RARS1: variants seen among roughly 807,000 people sequenced by gnomAD.
RARS1 encodes the protein arginine--tRNA ligase, cytoplasmic.
In RARS1, 75 loss-of-function variants were observed where a neutral mutation model predicts 78.7. The ratio of observed to expected loss-of-function variants is 0.95; its 90% CI spans 0.79 to 1.15. RARS1 has a LOEUF of 1.15. Ranked by LOEUF, RARS1 falls within the 50% of genes most tolerant of loss-of-function variation. The pLI is 0.00. For synonymous variants in RARS1, 273 were observed against 268.2 expected (o/e 1.02, Z -0.18); for missense variants, 787 against 787.5 (o/e 1.00, Z 0.01).
chr5:168,492,679 CA>C lies in RARS1; in HGVS notation c.204del (p.Lys68AsnfsTer6), dbSNP rs775613562. The C allele has an allele frequency of 1.4e-5, 23 of 1,606,312 alleles. No homozygotes were observed. The highest frequency in any genetic ancestry group is 2.0e-5 in the Non-Finnish European group (23 of 1,173,358). ...LRKSLQAERN[K>X]PTKNMINIIS... The stretch of plus-strand genomic sequence containing the variant: ...TACAGAGTCTTCAGGCAGAAAGGAA[CA>C]AACCAACTAAAAATATGATTAACAT... On this transcript the variant is annotated frameshift_variant, in exon 3 of 15. Coordinates refer to ENST00000231572, the MANE Select transcript of RARS1 (RefSeq NM_002887.4). LOFTEE classifies it high-confidence loss of function.
At position 168,511,926 on chromosome 5, in the gene RARS1, C is replaced by G. The variant is rs530813753; in HGVS notation, c.1452+1240C>G. Among the ~76,000 whole-genome samples the G allele has an allele frequency of 2.6e-5, 4 of 152,240 alleles. No individual in the cohort carries two copies. In the South Asian group the frequency reaches 8.3e-4, roughly 32 times the overall value. ...TGTCGCTCAGGCTGGAGTGCAGTGG[C>G]AAGATCATGGCTCACCGCATCTCGA... On this transcript the variant is annotated intron_variant, in intron 12 of 14. Coordinates refer to ENST00000231572, the MANE Select transcript of RARS1 (RefSeq NM_002887.4).
At chr5:168,495,492 T>G in intron 6 of RARS1, 56 bp downstream of exon 6, 1 of 1,572,718 alleles carries the variant, frequency 6.4e-7, no homozygotes. Context: ...GTTTGGAAAA[T>G]TCTATAGAAC....
At position 168,492,789 on chromosome 5, in the gene RARS1, C is replaced by T. The variant is rs761341589; in HGVS notation, c.311C>T (p.Pro104Leu). ...DLENPPLLVTPSQQAKFGDYQ... is the reference protein window; with the variant it reads ...DLENPPLLVTLSQQAKFGDYQ... ...GAAAATCCTCCTCTGCTAGTGACAC[C>T]AAGTCAGCAGGCCAAGTTTGGGGAC... The change falls in exon 3 of 15, where the codon CCA becomes CTA. Residue 104 changes from proline (P) to leucine (L), a missense_variant. By Grantham distance (98) the Pro-to-Leu change is moderately conservative (BLOSUM62 -3). Coordinates refer to ENST00000231572, the MANE Select transcript of RARS1 (RefSeq NM_002887.4). 1.9e-6 allele frequency: 3 copies of T among 1,613,736 alleles called. No individual in the cohort carries two copies. The Admixed American group carries it at 5.0e-5, about 27-fold the overall frequency.
Position 168,506,038 on chromosome 5 carries a change from G to A in RARS1, c.1075G>A (p.Asp359Asn), listed in dbSNP as rs1381013035. The A allele has an allele frequency of 1.2e-6, 2 of 1,603,394 alleles. No individual in the cohort carries two copies. Among genetic ancestry groups the A allele is most frequent in the East Asian group, 4.5e-5 (2 of 44,312 alleles). The change falls in exon 10 of 15, where the codon GAT becomes AAT. Residue 359 changes from aspartate (D) to asparagine (N), a missense_variant. Coordinates refer to ENST00000231572, the MANE Select transcript of RARS1 (RefSeq NM_002887.4). ...FEDRGFVQVD[D>N]GRKIVFVPGC... ...CCCCCTAGGATTTGTGCAGGTGGAT[G>A]ATGGCAGAAAGATTGTATTTGTCCC...
At position 168,493,956 on chromosome 5, in the gene RARS1, C is replaced by A. The variant is rs1383312984; in HGVS notation, c.432C>A (p.His144Gln). The A allele has an allele frequency of 6.2e-7, 1 of 1,613,488 alleles. No individual in the cohort carries two copies. Among genetic ancestry groups the A allele is most frequent in the South Asian group, 1.1e-5 (1 of 91,046 alleles). ...AAATTGCTGAAAACATTACCAAACA[C>A]CTCCCAGACAATGAATGTATTGAAA... ...PREIAENITK[H>Q]LPDNECIEKV... The change falls in exon 4 of 15, where the codon CAC becomes CAA. Residue 144 changes from histidine to glutamine, a missense_variant. Physicochemically the swap from His to Gln is conservative, Grantham distance 24 (BLOSUM62 0). Transcript: ENST00000231572.
chr5:168,500,805 G>T, intron 8 of RARS1, 85 bp downstream of exon 8: 1 of 1,469,580 alleles, frequency 6.8e-7, no homozygotes, highest in Non-Finnish European at 9.1e-7. Context: ...GACTTTGAGT[G>T]ATATTTTAAC....
rs553013436 is a variant in RARS1 at position 168,506,330 on chromosome 5, G to A, written c.1236+131G>A. ...GACTAAGATTCAGGACATCAGTATAGCATAGAAGAAAGAAGAGGGTTTGGA... is the reference window on the plus strand; with the variant it reads ...GACTAAGATTCAGGACATCAGTATAACATAGAAGAAAGAAGAGGGTTTGGA... On this transcript the variant is annotated intron_variant, in intron 10 of 14. Transcript: ENST00000231572. The A allele has an allele frequency of 3.8e-5, 29 of 770,958 alleles. No homozygotes were observed. The African/African-American group carries it at 5.0e-4, about 13-fold the overall frequency. The allele number at this position is 770,958 out of a possible 1,614,324, so 47.8% of individuals were successfully genotyped here.
chr5:168,513,644 G>A (rs1156272733), intron 12 of RARS1, among the ~76,000 whole-genome samples: 1 of 151,172 alleles, frequency 6.6e-6, no homozygotes, highest in Non-Finnish European at 1.5e-5. Flanking sequence ...AGGCTTATTG[G>A]TCATCTAGAT....
chr5:168,488,904 G>A (rs1282072196), intron 2 of RARS1, among the ~76,000 whole-genome samples, 168 bp downstream of exon 2: 1 of 152,298 alleles, frequency 6.6e-6, no homozygotes. Flanking sequence ...GGTAGTTGGT[G>A]CAAATAGTGA....
intron 14 of RARS1, among the ~76,000 whole-genome samples, chr5:168,518,770 G>T (rs1039278472): frequency 1.3e-5 from 2 of 152,198 alleles, no homozygotes; most frequent in Admixed American, 6.5e-5. Context: ...CTGTGATAAT[G>T]AGGTTTATAG....
At chr5:168,514,753 C>T (rs1280738396) in intron 12 of RARS1, among the ~76,000 whole-genome samples, 1 of 152,182 alleles carries the variant, frequency 6.6e-6, no homozygotes, top group African/African-American at 2.4e-5. Flanking sequence ...TGACCTTTTT[C>T]TAGTCTAAGA....
intron 4 of RARS1, chr5:168,494,321 G>A (rs965039930): frequency 1.1e-5 from 11 of 985,336 alleles, no homozygotes; most frequent in Non-Finnish European, 2.4e-6. Context: ...ATTGTTTGCT[G>A]AAAGTGAAAG....
Position 168,491,946 on chromosome 5 carries a change from CTTTTTTTTTTTTT to C in RARS1, c.181-702_181-690del, listed in dbSNP as rs149780336. Reference sequence around the variant, plus strand: ...TATTAAAAGCATATGTGTCATTCACCTTTTTTTTTTTTTTTTTTTTTTTGCTAAACTGCTGTAT... The same window carrying C: ...TATTAAAAGCATATGTGTCATTCACCTTTTTTTTTTGCTAAACTGCTGTAT... On this transcript the variant is annotated intron_variant, in intron 2 of 14. Transcript: ENST00000231572. Among the ~76,000 whole-genome samples the C allele has an allele frequency of 3.9e-4, 40 of 102,608 alleles. 1 individual carries two copies. Among genetic ancestry groups the C allele is most frequent in the Middle Eastern group, 6.5e-3 (1 of 154 alleles). 67.3% of individuals were successfully genotyped at this position (102,608 alleles called of 152,430 possible). A position where few individuals can be genotyped will look rare whatever the true frequency, so the allele number is the denominator to read the frequency against.
chr5:168,506,799 T>C lies in RARS1; in HGVS notation c.1314T>C (p.His438=). 1 of 1,613,522 alleles carries C rather than the reference T, an allele frequency of 6.2e-7. No individual in the cohort carries two copies. ...ACCCTAAAGTAACTCGAGTCTTCCATGCTGGATTTGGTGTGGTGCTAGGGG... is the reference window on the plus strand; with the variant it reads ...ACCCTAAAGTAACTCGAGTCTTCCACGCTGGATTTGGTGTGGTGCTAGGGG... ...WYDPKVTRVF[H]AGFGVVLGED... Residue 438 remains histidine, a synonymous_variant, in exon 11 of 15, where the codon CAT becomes CAC. Transcript: ENST00000231572.
chr5:168,496,993 G>A, intron 6 of RARS1: 1 of 347,638 alleles, frequency 2.9e-6, no homozygotes, highest in East Asian at 4.3e-5. Flanking sequence ...CTGGATGCCT[G>A]CCTTGTGCAG....
In RARS1 at chr5:168,502,197, C is replaced by T. The variant is rs574090342; in HGVS notation, c.1057+92C>T. Reference sequence around the variant, plus strand: ...TATAGTAATGCCAGCTTCATGTACTCATCATCCAATTTCAACAGTTATGGG... The same window carrying T: ...TATAGTAATGCCAGCTTCATGTACTTATCATCCAATTTCAACAGTTATGGG... On this transcript the variant is annotated intron_variant, in intron 9 of 14. Coordinates refer to ENST00000231572, the MANE Select transcript of RARS1 (RefSeq NM_002887.4). 5.4e-6 allele frequency: 8 copies of T among 1,480,120 alleles called. No homozygotes were observed. The South Asian group carries it at 8.6e-5, about 16-fold the overall frequency. The allele number at this position is 1,480,120 out of a possible 1,614,324, so 91.7% of individuals were successfully genotyped here.
At chr5:168,493,454 G>A (rs1758124119) in intron 3 of RARS1, among the ~76,000 whole-genome samples, 1 of 151,934 alleles carries the variant, frequency 6.6e-6, no homozygotes, top group Admixed American at 6.6e-5. Flanking sequence ...AAATATGCTG[G>A]AACCAGACTT....
At position 168,495,389 on chromosome 5, in the gene RARS1, A is replaced by G; in HGVS notation, c.654A>G (p.Gly218=). The part of the protein sequence containing the change: ...HVGHLRSTII[G]ESISRLFEFA... ...GCCACCTGAGGTCAACTATCATAGG[A>G]GAGAGTATAAGCCGCCTCTTTGAAT... The change falls in exon 6 of 15, where the codon GGA becomes GGG. Residue 218 remains glycine, a synonymous_variant. Coordinates refer to ENST00000231572, the MANE Select transcript of RARS1 (RefSeq NM_002887.4). 1 of 1,614,054 alleles carries G rather than the reference A, an allele frequency of 6.2e-7. No individual in the cohort carries two copies. The highest frequency in any genetic ancestry group is 8.5e-7 in the Non-Finnish European group (1 of 1,179,966).
At chr5:168,496,566 T>C (rs1758193382) in intron 6 of RARS1, among the ~76,000 whole-genome samples, 2 of 151,684 alleles carry the variant, frequency 1.3e-5, no homozygotes, top group African/African-American at 4.8e-5. Context: ...CACTGCAAGC[T>C]CTACCTCCTG....
Sources: gnomAD v4.1 joint callset for allele counts (sites outside exome capture counted in the v4.1 genomes callset) on GRCh38, gnomAD v4.1.1 for gene constraint, MANE v1.5 for transcripts, NCBI Gene and HGNC (gene_info 2026-07-23, HGNC 2026-07-21) for gene names.